The following GALNT13 variants were observed in gnomAD, a reference collection of about 807,000 sequenced individuals.
GALNT13 encodes polypeptide N-acetylgalactosaminyltransferase 13, also known as UDP-GalNAc:polypeptide N-acetylgalactosaminyltransferase 13.
Under a neutral mutation model 64.2 loss-of-function variants are expected in GALNT13, and 28 were observed. The ratio of observed to expected loss-of-function variants is 0.44; its 90% CI spans 0.32 to 0.60. The LOEUF (loss-of-function observed/expected upper bound fraction) is 0.60. Ranked by LOEUF, GALNT13 falls within the 20% of genes least tolerant of loss-of-function variation. The pLI is 0.05. For synonymous variants in GALNT13, 214 were observed against 224.6 expected (o/e 0.95, Z 0.42); for missense variants, 577 against 669.8 (o/e 0.86, Z 1.53).
intron 9 of GALNT13, among the ~76,000 whole-genome samples, chr2:154,380,827 A>T (rs6726767): frequency 0.58 from 88,593 of 151,742 alleles, 26,189 homozygotes; most frequent in Admixed American, 0.65. Context: ...CTCATGGCTC[A>T]ACTGGGGAAG....
At chr2:153,795,987 T>C in the GALNT13 span, among the ~76,000 whole-genome samples, 3,599 of 152,310 alleles carry the variant, frequency 0.024, 57 homozygotes, top group Middle Eastern at 0.041. Context: ...GCAGATCAAA[T>C]TGTGCCAGAA....
intron 4 of GALNT13, among the ~76,000 whole-genome samples, chr2:154,229,439 A>C (rs1688800326): frequency 6.6e-6 from 1 of 152,064 alleles, no homozygotes; most frequent in Non-Finnish European, 1.5e-5. Flanking sequence ...TTTTCAGAGA[A>C]TCTTTCATAT....
At chr2:153,690,368 T>C in the GALNT13 span, among the ~76,000 whole-genome samples, 2 of 152,168 alleles carry the variant, frequency 1.3e-5, no homozygotes, top group African/African-American at 4.8e-5. Flanking sequence ...TTCATGCTGG[T>C]ATTTATAGTC....
At chr2:153,166,271 A>G in the GALNT13 span, among the ~76,000 whole-genome samples, 1 of 152,206 alleles carries the variant, frequency 6.6e-6, no homozygotes, top group Non-Finnish European at 1.5e-5. Flanking sequence ...AGCAAAGATG[A>G]TGGGATGCCA....
rs143634582 is a variant in GALNT13, at chr2:154,441,284, G to A, written c.1530+2558G>A. ...GGGAAAGGGAGCAAAAGGATAAGAG[G>A]TGTTGAGATGAGAAAGAGGAATAAT... On this transcript the variant is annotated intron_variant, in intron 12 of 12. Transcript: ENST00000392825. 4.3e-4 allele frequency among the ~76,000 whole-genome samples: 65 copies of A among 152,232 alleles called. 2 individuals carry two copies. The East Asian group carries it at 0.012, about 29-fold the overall frequency.
At chr2:153,798,450 CT>C in the GALNT13 span, among the ~76,000 whole-genome samples, 1 of 152,040 alleles carries the variant, frequency 6.6e-6, no homozygotes, top group Non-Finnish European at 1.5e-5. Context: ...CTGTCCAATC[CT>C]TTATGTTTTA....
chr2:154,427,524 G>C (rs969134130), intron 11 of GALNT13, among the ~76,000 whole-genome samples: 1 of 152,204 alleles, frequency 6.6e-6, no homozygotes, highest in Admixed American at 6.5e-5. Context: ...CTGGCTTGCT[G>C]AGTGCAAATT....
Position 154,007,520 on chromosome 2 carries a change from A to T in GALNT13, c.142+62881A>T, listed in dbSNP as rs117138170. 2.4e-3 allele frequency among the ~76,000 whole-genome samples: 368 copies of T among 152,110 alleles called. 8 individuals carry two copies. The East Asian group carries it at 0.055, about 23-fold the overall frequency. ...CAAGTTGTGTTAGTATTATATTCTG[A>T]ATTGAGTTTGTTAGAATTGATTCCA... is the stretch of plus-strand genomic sequence containing the variant. On this transcript the variant is annotated intron_variant, in intron 3 of 12. Coordinates refer to ENST00000392825, the MANE Select transcript of GALNT13 (RefSeq NM_052917.4).
At chr2:153,875,677 G>A (rs1254952795) in intron 1 of GALNT13, among the ~76,000 whole-genome samples, 2 of 152,158 alleles carry the variant, frequency 1.3e-5, no homozygotes, top group African/African-American at 4.8e-5. Context: ...TTATGAATGG[G>A]CAGATGAAGA....
At chr2:153,631,790 G>A in the GALNT13 span, among the ~76,000 whole-genome samples, 4 of 152,106 alleles carry the variant, frequency 2.6e-5, no homozygotes, top group African/African-American at 9.7e-5. Flanking sequence ...TTCTTTTGCT[G>A]TGCAGAAGCT....
intron 3 of GALNT13, among the ~76,000 whole-genome samples, chr2:154,092,462 C>T (rs1701864246): frequency 6.6e-6 from 1 of 151,968 alleles, no homozygotes; most frequent in Admixed American, 6.6e-5. Context: ...AATTTAAAAG[C>T]ATCTACCCAA....
chr2:154,424,177 A>G (rs574097696), intron 11 of GALNT13, among the ~76,000 whole-genome samples: 4 of 152,268 alleles, frequency 2.6e-5, no homozygotes, highest in South Asian at 2.1e-4. Context: ...GGGGAACATG[A>G]TGGAAAACCT....
chr2:153,235,012 A>G, the GALNT13 span, among the ~76,000 whole-genome samples: 1 of 152,120 alleles, frequency 6.6e-6, no homozygotes, highest in Non-Finnish European at 1.5e-5. Context: ...TGCTATGGTG[A>G]TCTGTTATCA....
the GALNT13 span, among the ~76,000 whole-genome samples, chr2:153,777,698 C>T: frequency 1.3e-5 from 2 of 152,108 alleles, no homozygotes; most frequent in African/African-American, 2.4e-5. Flanking sequence ...CTGCTCACAC[C>T]TCTAGGGGAG....
rs116336477 is a variant in GALNT13, at chr2:154,444,126, G to C, written c.1530+5400G>C. Among the ~76,000 whole-genome samples, 759 of 152,126 alleles carry C rather than the reference G, an allele frequency of 5.0e-3. 8 individuals are homozygous for C. Among genetic ancestry groups the C allele is most frequent in the African/African-American group, 0.017 (715 of 41,516 alleles). ...AAGCTGAGATGGGAGGATTGCTAGA[G>C]CCCAAGAGTTCAAGGCCAGCCTGGG... On this transcript the variant is annotated intron_variant, in intron 12 of 12. Transcript: ENST00000392825.
chr2:154,169,248 A>G (rs922242793), intron 4 of GALNT13, among the ~76,000 whole-genome samples: 1 of 152,180 alleles, frequency 6.6e-6, no homozygotes, highest in African/African-American at 2.4e-5. Flanking sequence ...CAAACAAACC[A>G]TATCCACACT....
chr2:153,820,951 A>G, the GALNT13 span, among the ~76,000 whole-genome samples: 1 of 152,154 alleles, frequency 6.6e-6, no homozygotes, highest in African/African-American at 2.4e-5. Flanking sequence ...CCACTCATTC[A>G]CTGTCTTCAA....
chr2:153,461,586 A>G, the GALNT13 span, among the ~76,000 whole-genome samples: 1 of 152,064 alleles, frequency 6.6e-6, no homozygotes, highest in African/African-American at 2.4e-5. Context: ...TAATTTCAAA[A>G]GTCAGGACAC....
chr2:153,100,003 G>A, the GALNT13 span, among the ~76,000 whole-genome samples: 365 of 152,068 alleles, frequency 2.4e-3, no homozygotes, highest in African/African-American at 8.5e-3. Context: ...AATTGGATTG[G>A]GAAAAAGAAA....
Sources: gnomAD v4.1 joint callset for allele counts (sites outside exome capture counted in the v4.1 genomes callset) on GRCh38, gnomAD v4.1.1 for gene constraint, MANE v1.5 for transcripts, NCBI Gene and HGNC (gene_info 2026-07-23, HGNC 2026-07-21) for gene names.